Variants in GRIP1 observed in about 807,000 individuals in gnomAD.
GRIP1 encodes glutamate receptor interacting protein 1.
In GRIP1, 45 loss-of-function variants were observed where a neutral mutation model predicts 129.9. The observed-to-expected ratio is 0.35, with a 90% CI of 0.27 to 0.44. The LOEUF (loss-of-function observed/expected upper bound fraction) is 0.44. Among genes scored for constraint, GRIP1 ranks in the 20% least tolerant of loss-of-function variants. The probability of loss-of-function intolerance (pLI) is 1.00; values close to 1 mark genes in which losing one functional copy is unlikely to be tolerated. For missense variants in GRIP1, 1,196 were observed against 1,396.8 expected (o/e 0.86, Z 2.29); for synonymous variants, 530 against 520.8 (o/e 1.02, Z -0.24).
intron 1 of GRIP1, among the ~76,000 whole-genome samples, chr12:67,055,460 G>A (rs1344502074): frequency 6.6e-6 from 1 of 151,836 alleles, no homozygotes; most frequent in African/African-American, 2.4e-5. Flanking sequence ...AGAACAGGAT[G>A]CTTGAAAATG....
intron 19 of GRIP1, among the ~76,000 whole-genome samples, chr12:66,384,728 TG>T (rs1358066488): frequency 2.0e-5 from 3 of 152,292 alleles, no homozygotes; most frequent in Admixed American, 2.0e-4. Flanking sequence ...ACAAAGGCAG[TG>T]GCAATGGAGG....
intron 19 of GRIP1, among the ~76,000 whole-genome samples, chr12:66,381,550 T>C (rs1427682297): frequency 1.3e-5 from 2 of 152,242 alleles, no homozygotes; most frequent in African/African-American, 4.8e-5. Flanking sequence ...GAGCCAATGC[T>C]AATTGGTGGT....
intron 1 of GRIP1, among the ~76,000 whole-genome samples, chr12:66,942,740 A>AT (rs2041607235): frequency 1.3e-5 from 2 of 152,294 alleles, no homozygotes; most frequent in Non-Finnish European, 2.9e-5. Context: ...TCCCCTCAAA[A>AT]TTTATATGTT....
intron 23 of GRIP1, among the ~76,000 whole-genome samples, chr12:66,358,557 C>T (rs1377124037): frequency 5.3e-5 from 8 of 152,170 alleles, no homozygotes; most frequent in Admixed American, 5.2e-4. Flanking sequence ...GGCGATTTCT[C>T]CTGCCTCAGC....
chr12:66,387,699 A>G (rs1041735004), intron 19 of GRIP1, among the ~76,000 whole-genome samples: 1 of 152,236 alleles, frequency 6.6e-6, no homozygotes, highest in East Asian at 1.9e-4. Flanking sequence ...AAAACAAGAG[A>G]TCAAAGCAGA....
chr12:66,545,701 G>A (rs1309009439), intron 2 of GRIP1, among the ~76,000 whole-genome samples: 2 of 152,128 alleles, frequency 1.3e-5, no homozygotes. Context: ...GAACAAAATG[G>A]ATACTATTCC....
At chr12:66,876,327 C>T (rs1043740011) in intron 1 of GRIP1, among the ~76,000 whole-genome samples, 1 of 151,908 alleles carries the variant, frequency 6.6e-6, no homozygotes, top group Non-Finnish European at 1.5e-5. Context: ...AATGCTTATT[C>T]TATTACAAGC....
chr12:66,658,656 C>A (rs1414553625), intron 1 of GRIP1, among the ~76,000 whole-genome samples: 1 of 151,932 alleles, frequency 6.6e-6, no homozygotes, highest in African/African-American at 2.4e-5. Flanking sequence ...TGCCTGTAAT[C>A]CCAGCATTCT....
chr12:66,401,579 CA>C (rs576589514), intron 16 of GRIP1, among the ~76,000 whole-genome samples: 75 of 63,872 alleles, frequency 1.2e-3, no homozygotes, highest in East Asian at 6.6e-3. Flanking sequence ...AATTCCGTCT[CA>C]AAAAAAAAAA....
At chr12:66,582,332 C>T (rs12320617) in intron 2 of GRIP1, among the ~76,000 whole-genome samples, 3,300 of 109,154 alleles carry the variant, frequency 0.03, 74 homozygotes, top group Middle Eastern at 0.035. Flanking sequence ...AGCATTCCCT[C>T]TGAAAACTGG....
intron 1 of GRIP1, among the ~76,000 whole-genome samples, chr12:66,971,011 G>A (rs1189333523): frequency 2.0e-5 from 3 of 152,058 alleles, no homozygotes; most frequent in East Asian, 1.9e-4. Flanking sequence ...AAAACCTGAC[G>A]GGTTTCCGGG....
intron 7 of GRIP1, among the ~76,000 whole-genome samples, chr12:66,515,038 T>G (rs957730273): frequency 1.3e-5 from 2 of 152,138 alleles, no homozygotes; most frequent in African/African-American, 4.8e-5. Context: ...GGTTTTACTA[T>G]AGGTATGAGT....
At chr12:66,774,744 A>G (rs2037925808) in intron 1 of GRIP1, among the ~76,000 whole-genome samples, 1 of 152,194 alleles carries the variant, frequency 6.6e-6, no homozygotes, top group South Asian at 2.1e-4. Flanking sequence ...GTACTATTGC[A>G]GCCTCAATGT....
At chr12:66,822,415 G>A (rs1311850472) in intron 1 of GRIP1, among the ~76,000 whole-genome samples, 2 of 152,184 alleles carry the variant, frequency 1.3e-5, no homozygotes, top group African/African-American at 4.8e-5. Context: ...TTGCAAATTA[G>A]TTCAGCCACC....
chr12:66,847,218 C>T (rs1464938930), intron 1 of GRIP1, among the ~76,000 whole-genome samples: 1 of 152,172 alleles, frequency 6.6e-6, no homozygotes, highest in Non-Finnish European at 1.5e-5. Context: ...CTTCCACTGT[C>T]AACTCCTTCA....
chr12:66,612,247 G>A (rs1302421912), intron 1 of GRIP1, among the ~76,000 whole-genome samples: 1 of 152,184 alleles, frequency 6.6e-6, no homozygotes, highest in Non-Finnish European at 1.5e-5. Flanking sequence ...ATCCCAGATG[G>A]TATGGTCTAC....
chr12:66,510,000 T>A (rs928022157), intron 7 of GRIP1, among the ~76,000 whole-genome samples: 1 of 151,286 alleles, frequency 6.6e-6, no homozygotes, highest in African/African-American at 2.4e-5. Flanking sequence ...TATACTTTTA[T>A]GTTACTTTTC....
chr12:66,719,801 C>A (rs889749171), intron 1 of GRIP1, among the ~76,000 whole-genome samples: 1 of 152,098 alleles, frequency 6.6e-6, no homozygotes, highest in Non-Finnish European at 1.5e-5. Context: ...CTGGAATGTT[C>A]GGGCTTATGT....
intron 1 of GRIP1, among the ~76,000 whole-genome samples, chr12:66,675,617 A>G (rs1364770429): frequency 1.3e-5 from 2 of 152,172 alleles, no homozygotes; most frequent in African/African-American, 4.8e-5. Context: ...GGTGCCAAGA[A>G]GCCTAGATTT....
Sources: allele counts gnomAD v4.1 joint callset (sites outside exome capture counted in the v4.1 genomes callset), GRCh38; gene constraint gnomAD v4.1.1; transcripts MANE v1.5; gene names NCBI Gene and HGNC (gene_info 2026-07-23, HGNC 2026-07-21).